Variants in CCDC33 observed in about 807,000 individuals in gnomAD.
CCDC33 encodes coiled-coil domain-containing protein 33.
A neutral mutation model predicts 91.9 loss-of-function variants in CCDC33; 94 were observed. That is an observed-to-expected ratio of 1.02 (90% confidence interval 0.87 to 1.21). CCDC33 has a LOEUF of 1.21. Among genes scored for constraint, CCDC33 ranks in the 50% most tolerant of loss-of-function variants. The pLI is 0.00. For missense variants in CCDC33, 940 were observed against 935.5 expected, an observed-to-expected ratio of 1.00 and a Z score of -0.06; for synonymous variants, 396 against 374.5, an observed-to-expected ratio of 1.06 and a Z score of -0.66.
chr15:74,234,267 G>A (rs2075075971), upstream of CCDC33, among the ~76,000 whole-genome samples: 1 of 152,168 alleles, frequency 6.6e-6, no homozygotes, highest in Non-Finnish European at 1.5e-5. Flanking sequence ...GGTAGGGGGT[G>A]GGCACAGTTA....
At position 74,297,123 on chromosome 15, in the gene CCDC33, G is replaced by T. The variant is rs557841450; in HGVS notation, c.1290+1175G>T. Among the ~76,000 whole-genome samples, 25 of 152,296 alleles carry T rather than the reference G, an allele frequency of 1.6e-4. No individual in the cohort carries two copies. The South Asian group carries it at 5.2e-3, about 32-fold the overall frequency. ...TGGCTGTCTGCTGGGCATGCCCAGG[G>T]TTCTTCCACATGAGCACCCCTGCCC... On this transcript the variant is annotated intron_variant, in intron 11 of 18. Transcript: ENST00000398814.
chr15:74,240,888 C>T (rs1308411295), intron 1 of CCDC33, among the ~76,000 whole-genome samples: 4 of 152,192 alleles, frequency 2.6e-5, no homozygotes, highest in East Asian at 1.9e-4. Flanking sequence ...CCACCACACC[C>T]GGCCAAGTTG....
At chr15:74,328,865 C>T (rs557747373) in intron 11 of CCDC33, among the ~76,000 whole-genome samples, 100 of 152,264 alleles carry the variant, frequency 6.6e-4, no homozygotes, top group African/African-American at 2.4e-3. Flanking sequence ...CCCGTATGTA[C>T]ACAGCCTCCC....
chr15:74,271,195 G>A lies in CCDC33; in HGVS notation c.547-508G>A, dbSNP rs77264853. ...TGATCTCAGGAAGTTCAGCATGGTC[G>A]GAGAAACCAGACCTGGGCTTCCTGT... On this transcript the variant is annotated intron_variant, in intron 5 of 18. Coordinates refer to ENST00000398814, the MANE Select transcript of CCDC33 (RefSeq NM_025055.5). Among the ~76,000 whole-genome samples, 207 of 152,202 alleles carry A rather than the reference G, an allele frequency of 1.4e-3. 1 individual carries two copies. In the East Asian group the frequency reaches 0.031, roughly 23 times the overall value.
At chr15:74,281,722 C>A in intron 9 of CCDC33, 56 bp from the exon 10 acceptor site, 1 of 1,454,660 alleles carries the variant, frequency 6.9e-7, no homozygotes, top group Non-Finnish European at 9.6e-7. Flanking sequence ...GTAGGTGGGG[C>A]AGAGGCGGAA....
chr15:74,333,559 C>T (rs1291229196), intron 16 of CCDC33, among the ~76,000 whole-genome samples: 1 of 152,190 alleles, frequency 6.6e-6, no homozygotes, highest in African/African-American at 2.4e-5. Context: ...GGTCAACTGC[C>T]TCACAGGTTC....
intron 11 of CCDC33, chr15:74,302,281 AG>A: frequency 6.6e-6 from 1 of 152,410 alleles, no homozygotes; most frequent in Non-Finnish European, 1.5e-5. Flanking sequence ...CAGCAGAGAC[AG>A]CCCCAGATCA....
At chr15:74,317,557 G>T (rs2060113591) in intron 11 of CCDC33, among the ~76,000 whole-genome samples, 1 of 152,226 alleles carries the variant, frequency 6.6e-6, no homozygotes, top group Admixed American at 6.5e-5. Context: ...GGCTTGTCCA[G>T]TCAGGGATTA....
chr15:74,226,668 A>G (rs2074806538), intron 2 of CCDC33, among the ~76,000 whole-genome samples: 1 of 152,120 alleles, frequency 6.6e-6, no homozygotes, highest in African/African-American at 2.4e-5. Flanking sequence ...CTCTACTGAA[A>G]AATACAAAAA....
At chr15:74,251,169 G>A (rs2075697306) in intron 2 of CCDC33, among the ~76,000 whole-genome samples, 1 of 152,250 alleles carries the variant, frequency 6.6e-6, no homozygotes, top group South Asian at 2.1e-4. Flanking sequence ...TCTGGCCTGG[G>A]AAACACTCTC....
chr15:74,271,846 G>A lies in CCDC33; in HGVS notation c.638+52G>A, dbSNP rs372952376. ...TGAGGAGGGCAGAGCAGAGGGCAGAGGAGGGGGTGAGGCTGTCATTGCTGC... is the reference window on the plus strand; with the variant it reads ...TGAGGAGGGCAGAGCAGAGGGCAGAAGAGGGGGTGAGGCTGTCATTGCTGC... On this transcript the variant is annotated intron_variant, in intron 6 of 18. Transcript: ENST00000398814. 2.6e-4 allele frequency: 394 copies of A among 1,492,066 alleles called. 2 individuals are homozygous for A. The African/African-American group carries it at 3.3e-3, about 13-fold the overall frequency. The allele number at this position is 1,492,066 out of a possible 1,614,324, so 92.4% of individuals were successfully genotyped here. A position where few individuals can be genotyped will look rare whatever the true frequency, so the allele number is the denominator to read the frequency against.
chr15:74,228,772 A>G (rs368736219), intron 2 of CCDC33, among the ~76,000 whole-genome samples: 7 of 152,308 alleles, frequency 4.6e-5, no homozygotes, highest in African/African-American at 1.7e-4. Flanking sequence ...ATTGTTTTCC[A>G]GGCTCCTCTC....
intron 11 of CCDC33, among the ~76,000 whole-genome samples, chr15:74,318,091 T>A (rs1109438): frequency 3.4e-4 from 49 of 143,778 alleles, no homozygotes; most frequent in South Asian, 2.2e-3. Flanking sequence ...TGCTGCGGGG[T>A]GGGGAGGACT....
chr15:74,280,946 G>A (rs2059349370), intron 9 of CCDC33, 145 bp downstream of exon 9: 3 of 800,148 alleles, frequency 3.7e-6, no homozygotes, highest in Admixed American at 8.5e-5. Flanking sequence ...AAGTCACCCA[G>A]TCTAGAAGTG....
At chr15:74,289,657 A>G (rs951380323) in intron 10 of CCDC33, among the ~76,000 whole-genome samples, 11 of 152,030 alleles carry the variant, frequency 7.2e-5, no homozygotes, top group African/African-American at 2.7e-4. Context: ...TGAGGCTGCA[A>G]TGAGCTGAGA....
chr15:74,241,433 C>A (rs1419648126), intron 1 of CCDC33, among the ~76,000 whole-genome samples: 2 of 152,128 alleles, frequency 1.3e-5, no homozygotes, highest in African/African-American at 4.8e-5. Context: ...GGCGGGGAGG[C>A]AGGAGGGAGC....
intron 2 of CCDC33, among the ~76,000 whole-genome samples, chr15:74,229,994 A>G (rs2074916925): frequency 6.6e-6 from 1 of 152,194 alleles, no homozygotes; most frequent in Admixed American, 6.5e-5. Flanking sequence ...GCACAATTCA[A>G]TTGTGTCTTG....
chr15:74,320,336 A>G lies in CCDC33; in HGVS notation c.1291-9853A>G, dbSNP rs552687370. The stretch of plus-strand genomic sequence containing the variant: ...TTCCCCACCTCTGAAGTCCCACCCA[A>G]TCCAGTCAAATCTCACCTGCACCTC... On this transcript the variant is annotated intron_variant, in intron 11 of 18. Transcript: ENST00000398814. Among the ~76,000 whole-genome samples, 15 of 151,764 alleles carry G rather than the reference A, an allele frequency of 9.9e-5. No homozygotes were observed. The South Asian group carries it at 3.1e-3, about 32-fold the overall frequency.
intron 11 of CCDC33, among the ~76,000 whole-genome samples, chr15:74,314,504 C>A (rs896416300): frequency 2.0e-5 from 3 of 152,126 alleles, no homozygotes; most frequent in African/African-American, 7.2e-5. Flanking sequence ...TCAGTTAGGG[C>A]AAAATGCAAA....
Sources: allele counts gnomAD v4.1 joint callset (sites outside exome capture counted in the v4.1 genomes callset), GRCh38; gene constraint gnomAD v4.1.1; transcripts MANE v1.5; gene names NCBI Gene and HGNC (gene_info 2026-07-23, HGNC 2026-07-21).